The following NELL1 variants were observed in gnomAD, a reference collection of about 807,000 sequenced individuals.
The protein encoded by NELL1 is neural EGFL like 1.
Under a neutral mutation model 107.4 loss-of-function variants are expected in NELL1, and 76 were observed. That is an observed-to-expected ratio of 0.71 (90% CI 0.59 to 0.86). The LOEUF (loss-of-function observed/expected upper bound fraction) is 0.86. NELL1 is among the 40% of genes least tolerant of loss of function. The probability of loss-of-function intolerance (pLI) is 0.00; values close to 1 mark genes in which losing one functional copy is unlikely to be tolerated. For missense variants in NELL1, 1,024 were observed against 1,005.5 expected (o/e 1.02, Z -0.25); for synonymous variants, 353 against 341.2 (o/e 1.03, Z -0.38).
At chr11:21,223,270 T>C (rs1857807566) in intron 13 of NELL1, among the ~76,000 whole-genome samples, 1 of 152,152 alleles carries the variant, frequency 6.6e-6, no homozygotes, top group Non-Finnish European at 1.5e-5. Context: ...GTATTTACAA[T>C]TGTTATATAT....
At chr11:20,969,860 GA>G (rs906016198) in intron 12 of NELL1, among the ~76,000 whole-genome samples, 36 of 152,048 alleles carry the variant, frequency 2.4e-4, no homozygotes, top group Non-Finnish European at 3.1e-4. Flanking sequence ...AGCTAAATAA[GA>G]TATTGAATGT....
At chr11:21,309,404 CA>C (rs897259518) in intron 14 of NELL1, among the ~76,000 whole-genome samples, 19 of 149,926 alleles carry the variant, frequency 1.3e-4, no homozygotes, top group Non-Finnish European at 2.4e-4. Context: ...TTTTATTATT[CA>C]AACTCTACTT....
chr11:20,757,022 G>C (rs1398270287), intron 2 of NELL1, among the ~76,000 whole-genome samples: 1 of 152,108 alleles, frequency 6.6e-6, no homozygotes, highest in African/African-American at 2.4e-5. Context: ...TGGTGATAGA[G>C]ATAGATGTTG....
intron 15 of NELL1, among the ~76,000 whole-genome samples, chr11:21,425,692 C>A (rs996035392): frequency 6.6e-6 from 1 of 152,054 alleles, no homozygotes; most frequent in Non-Finnish European, 1.5e-5. Context: ...TTCTGACCTA[C>A]TGTAAGGTGA....
At chr11:20,951,241 A>AT (rs1479271669) in intron 11 of NELL1, among the ~76,000 whole-genome samples, 2 of 152,074 alleles carry the variant, frequency 1.3e-5, no homozygotes, top group Admixed American at 1.3e-4. Context: ...GTTAAAACCC[A>AT]TTTTTCTGAG....
intron 13 of NELL1, among the ~76,000 whole-genome samples, chr11:21,168,089 C>T (rs763209551): frequency 2.0e-5 from 3 of 151,730 alleles, no homozygotes; most frequent in Non-Finnish European, 4.4e-5. Context: ...ACTCGATTCT[C>T]ACTATATAAG....
At chr11:21,501,384 T>A (rs1390342825) in intron 15 of NELL1, among the ~76,000 whole-genome samples, 1 of 152,196 alleles carries the variant, frequency 6.6e-6, no homozygotes, top group Non-Finnish European at 1.5e-5. Context: ...CCAGTGTTTG[T>A]CATCTGAAGC....
At chr11:20,681,309 TCTC>T (rs1854185177) in intron 2 of NELL1, among the ~76,000 whole-genome samples, 1 of 152,084 alleles carries the variant, frequency 6.6e-6, no homozygotes, top group African/African-American at 2.4e-5. Context: ...TGCTTGGAAA[TCTC>T]CTCACCTAAA....
chr11:20,976,214 ATG>A (rs1336548386), intron 12 of NELL1, among the ~76,000 whole-genome samples: 1 of 150,416 alleles, frequency 6.6e-6, no homozygotes, highest in Non-Finnish European at 1.5e-5. Flanking sequence ...ATGTACAGAT[ATG>A]TGTGTGTATA....
intron 13 of NELL1, among the ~76,000 whole-genome samples, chr11:21,191,189 C>T (rs1252712655): frequency 6.6e-6 from 1 of 151,700 alleles, no homozygotes; most frequent in African/African-American, 2.4e-5. Context: ...GGTTGCTAAT[C>T]AGCTGACCCT....
At chr11:21,096,271 A>T (rs1854640513) in intron 12 of NELL1, among the ~76,000 whole-genome samples, 1 of 152,036 alleles carries the variant, frequency 6.6e-6, no homozygotes, top group Non-Finnish European at 1.5e-5. Context: ...TGTTCTTTGG[A>T]AACCTTATTG....
At chr11:20,959,000 T>A (rs981821707) in intron 11 of NELL1, among the ~76,000 whole-genome samples, 1 of 152,236 alleles carries the variant, frequency 6.6e-6, no homozygotes, top group African/African-American at 2.4e-5. Flanking sequence ...TACAGTCCGA[T>A]GGCATTTTAC....
At chr11:20,880,218 C>A (rs941349582) in intron 4 of NELL1, among the ~76,000 whole-genome samples, 1 of 152,170 alleles carries the variant, frequency 6.6e-6, no homozygotes, top group African/African-American at 2.4e-5. Context: ...AAATTCAAAG[C>A]ATAAGTAAGC....
At chr11:21,227,966 T>C (rs1857937275) in intron 13 of NELL1, among the ~76,000 whole-genome samples, 1 of 152,232 alleles carries the variant, frequency 6.6e-6, no homozygotes, top group African/African-American at 2.4e-5. Context: ...TGATGGTTTT[T>C]CAAATGATTG....
chr11:20,946,262 A>G (rs1297965735), intron 10 of NELL1, among the ~76,000 whole-genome samples: 2 of 152,046 alleles, frequency 1.3e-5, no homozygotes, highest in African/African-American at 4.8e-5. Flanking sequence ...GTTGGGAACT[A>G]CCTTTTGGCC....
intron 15 of NELL1, among the ~76,000 whole-genome samples, chr11:21,456,763 G>A (rs1853755351): frequency 6.6e-6 from 1 of 152,126 alleles, no homozygotes; most frequent in African/African-American, 2.4e-5. Context: ...TGTTGAAAGG[G>A]TGCAGGTGGA....
chr11:20,937,911 T>C (rs1195470245), intron 10 of NELL1, 52 bp downstream of exon 10: 3 of 1,551,902 alleles, frequency 1.9e-6, no homozygotes, highest in Non-Finnish European at 2.7e-6. Flanking sequence ...AATAGATAGA[T>C]GTGTGGGCTT....
chr11:20,979,489 A>G (rs1006215102), intron 12 of NELL1, among the ~76,000 whole-genome samples: 1 of 152,174 alleles, frequency 6.6e-6, no homozygotes, highest in Non-Finnish European at 1.5e-5. Flanking sequence ...CAATGAAATA[A>G]TCTTTGCTCT....
At chr11:21,199,456 T>C (rs150659125) in intron 13 of NELL1, among the ~76,000 whole-genome samples, 69 of 152,324 alleles carry the variant, frequency 4.5e-4, no homozygotes, top group African/African-American at 1.4e-3. Context: ...ACAGATTCTT[T>C]TAAGACTCTT....
Sources: gnomAD v4.1 joint callset for allele counts (sites outside exome capture counted in the v4.1 genomes callset) on GRCh38, gnomAD v4.1.1 for gene constraint, MANE v1.5 for transcripts, NCBI Gene and HGNC (gene_info 2026-07-23, HGNC 2026-07-21) for gene names.